ALG1: variants seen among roughly 807,000 people sequenced by gnomAD.
The protein encoded by ALG1 is chitobiosyldiphosphodolichol beta-mannosyltransferase.
In ALG1, 58 loss-of-function variants were observed where a neutral mutation model predicts 55.1. The observed-to-expected ratio is 1.05, with a 90% CI of 0.85 to 1.31. The LOEUF (loss-of-function observed/expected upper bound fraction) is 1.31, where lower values mean the gene tolerates loss of function less well. Among genes scored for constraint, ALG1 ranks in the 50% most tolerant of loss-of-function variants. The probability of loss-of-function intolerance (pLI) is 0.00; values close to 1 mark genes in which losing one functional copy is unlikely to be tolerated. For synonymous variants in ALG1, 309 were observed against 247.0 expected (o/e 1.25, Z -2.35); for missense variants, 761 against 598.6 (o/e 1.27, Z -2.83).
chr16:5,072,444 T>G (rs914694157), intron 1 of ALG1: 3 of 426,644 alleles, frequency 7.0e-6, no homozygotes, highest in Admixed American at 4.0e-5. Context: ...CAGACAGATG[T>G]TTTCATTTGT....
chr16:5,078,619 G>A lies in ALG1; in HGVS notation c.741-138G>A, dbSNP rs539401993. 170 of 1,476,402 alleles carry A rather than the reference G, an allele frequency of 1.2e-4. No individual in the cohort carries two copies. In the African/African-American group the frequency reaches 1.8e-3, roughly 16 times the overall value. 91.5% of individuals were successfully genotyped at this position (1,476,402 alleles called of 1,614,324 possible). On this transcript the variant is annotated intron_variant, in intron 6 of 12. Coordinates refer to ENST00000262374, the MANE Select transcript of ALG1 (RefSeq NM_019109.5). ...AAGCAAGCCCAGGCCTCAGATGGCAGGGGTGGCCTGGTGCTGCTGATGTGG... is the reference window on the plus strand; with the variant it reads ...AAGCAAGCCCAGGCCTCAGATGGCAAGGGTGGCCTGGTGCTGCTGATGTGG...
chr16:5,072,093 C>G (rs775269144), intron 1 of ALG1, 36 bp downstream of exon 1: 1 of 1,552,450 alleles, frequency 6.4e-7, no homozygotes, highest in East Asian at 2.4e-5. Context: ...ACGATGCTCT[C>G]TCAGCCGTTG....
In ALG1 at chr16:5,078,848, G is replaced by A. The variant is rs1364564952; in HGVS notation, c.832G>A (p.Ala278Thr). 8 of 1,611,888 alleles carry A rather than the reference G, an allele frequency of 5.0e-6. No individual in the cohort carries two copies. The East Asian group carries it at 1.8e-4, about 36-fold the overall frequency. Residue 278 changes from alanine (A) to threonine (T), a missense_variant, in exon 7 of 13, where the codon GCC (alanine) becomes ACC (threonine). Coordinates refer to ENST00000262374, the MANE Select transcript of ALG1 (RefSeq NM_019109.5). ...GGTGACGCGTCTCCGTGAGCGGCCA[G>A]CCCTGCTGGTCAGCAGCACGAGCTG... The part of the protein sequence containing the change: ...GLVTRLRERP[A>T]LLVSSTSWTE...
At chr16:5,079,386 G>T (rs558016962) in intron 8 of ALG1, among the ~76,000 whole-genome samples, 1 of 152,268 alleles carries the variant, frequency 6.6e-6, no homozygotes, top group East Asian at 1.9e-4. Context: ...TCTGGCTATT[G>T]TTTATTTAAA....
In ALG1 at chr16:5,071,945, C is replaced by T. The variant is rs1419210474; in HGVS notation, c.96C>T (p.Ala32=). 1 of 1,587,942 alleles carries T rather than the reference C, an allele frequency of 6.3e-7. No individual in the cohort carries two copies. The highest frequency in any genetic ancestry group is 8.6e-7 in the Non-Finnish European group (1 of 1,167,382). Reference sequence around the variant, plus strand: ...AGCGCTGGCGCCGGGGGCGGGCGGCCCGGCATGTAGTAGCGGTGGTGCTGG... The same window carrying T: ...AGCGCTGGCGCCGGGGGCGGGCGGCTCGGCATGTAGTAGCGGTGGTGCTGG... ...GWKRWRRGRA[A]RHVVAVVLGD... The change falls in exon 1 of 13, where the codon GCC becomes GCT. Residue 32 remains alanine, a synonymous_variant. Coordinates refer to ENST00000262374, the MANE Select transcript of ALG1 (RefSeq NM_019109.5).
In ALG1 at chr16:5,081,038, G is replaced by A. The variant is rs1302413825; in HGVS notation, c.1054G>A (p.Asp352Asn). Residue 352 changes from aspartate to asparagine, a missense_variant, in exon 10 of 13, where the codon GAC becomes AAC. Coordinates refer to ENST00000262374, the MANE Select transcript of ALG1 (RefSeq NM_019109.5). ...QVCTPWLEAE[D>N]YPLLLGSADL... is the part of the protein sequence containing the mutation. Reference sequence around the variant, plus strand: ...CTGCACCCCCTGGCTGGAGGCCGAGGACTACCCCCTGCTTCTAGGTGAGAG... The same window carrying A: ...CTGCACCCCCTGGCTGGAGGCCGAGAACTACCCCCTGCTTCTAGGTGAGAG... 6 of 1,564,048 alleles carry A rather than the reference G, an allele frequency of 3.8e-6. No individual in the cohort carries two copies. Among genetic ancestry groups the A allele is most frequent in the Non-Finnish European group, 5.2e-6 (6 of 1,160,490 alleles).
At chr16:5,083,972 C>T (rs561512258) in intron 12 of ALG1, among the ~76,000 whole-genome samples, 5 of 152,274 alleles carry the variant, frequency 3.3e-5, no homozygotes, top group African/African-American at 1.2e-4. Flanking sequence ...CCCACCTGCC[C>T]TCTGGATTTA....
In ALG1 at chr16:5,073,146, C is replaced by G; in HGVS notation, c.287-7C>G. 1.2e-6 allele frequency: 2 copies of G among 1,614,086 alleles called. No homozygotes were observed. The highest frequency in any genetic ancestry group is 1.3e-5 in the African/African-American group (1 of 75,048). On this transcript the variant is annotated splice_region_variant and splice_polypyrimidine_tract_variant and intron_variant, in intron 2 of 12. Coordinates refer to ENST00000262374, the MANE Select transcript of ALG1 (RefSeq NM_019109.5). ...TTTGGTAGTCACAGGTGTTTTCTGA[C>G]TTGCAGTTGGGCCCCGAGTTTTCCA...
In ALG1 at chr16:5,079,141, G is replaced by A. The variant is rs528875225; in HGVS notation, c.901+39G>A. 6.4e-5 allele frequency: 102 copies of A among 1,590,400 alleles called. 1 individual carries two copies. The highest frequency in any genetic ancestry group is 1.0e-4 in the Admixed American group (6 of 59,212). The stretch of plus-strand genomic sequence containing the variant: ...TGCGGTGAGGAGCTCTGGGCTTGTC[G>A]GGGGCCACTGAGCTGTAAGCTGCTT... On this transcript the variant is annotated intron_variant, in intron 8 of 12. Coordinates refer to ENST00000262374, the MANE Select transcript of ALG1 (RefSeq NM_019109.5).
chr16:5,078,621 G>C (rs1277026317), intron 6 of ALG1, 136 bp from the exon 7 acceptor site: 1 of 1,484,592 alleles, frequency 6.7e-7, no homozygotes, highest in Non-Finnish European at 9.4e-7. Context: ...AGATGGCAGG[G>C]GTGGCCTGGT....
rs1957108595 is a variant in ALG1, at chr16:5,085,092, C to G, written c.*211C>G. The G allele has an allele frequency of 3.6e-6, 3 of 843,280 alleles. No homozygotes were observed. Among genetic ancestry groups the G allele is most frequent in the Admixed American group, 2.6e-5 (1 of 39,034 alleles). 52.2% of individuals were successfully genotyped at this position (843,280 alleles called of 1,614,324 possible). ...TTCTCTGGAGGCTTGGAAACGCTTCCTCTCTTCTTCTGTTCTTCACGCCCC... is the reference window on the plus strand; with the variant it reads ...TTCTCTGGAGGCTTGGAAACGCTTCGTCTCTTCTTCTGTTCTTCACGCCCC... On this transcript the variant is annotated 3_prime_UTR_variant, in exon 13 of 13. Coordinates refer to ENST00000262374, the MANE Select transcript of ALG1 (RefSeq NM_019109.5).
intron 1 of ALG1, 84 bp downstream of exon 1, chr16:5,072,141 A>T: frequency 6.5e-7 from 1 of 1,547,410 alleles, no homozygotes; most frequent in Non-Finnish European, 8.7e-7. Flanking sequence ...TCGAGGCGGA[A>T]GTGCTCCTTT....
At chr16:5,082,171 C>T (rs974878713) in intron 10 of ALG1, among the ~76,000 whole-genome samples, 3 of 152,128 alleles carry the variant, frequency 2.0e-5, no homozygotes, top group African/African-American at 7.2e-5. Context: ...TCTTGAACTC[C>T]TGACCTCAGG....
intron 11 of ALG1, among the ~76,000 whole-genome samples, 182 bp from the exon 12 acceptor site, chr16:5,083,500 C>T (rs889895567): frequency 8.6e-5 from 13 of 152,034 alleles, no homozygotes; most frequent in Non-Finnish European, 1.6e-4. Flanking sequence ...TTGATGTGCA[C>T]CCCCCCAGGC....
intron 12 of ALG1, among the ~76,000 whole-genome samples, chr16:5,084,073 G>A (rs2142729604): frequency 1.3e-5 from 2 of 152,328 alleles, no homozygotes; most frequent in African/African-American, 2.4e-5. Flanking sequence ...GGCGGGCAAA[G>A]GGAGCTTCTG....
chr16:5,073,548 C>T (rs886181207), intron 3 of ALG1: 3 of 461,840 alleles, frequency 6.5e-6, no homozygotes, highest in Non-Finnish European at 7.9e-6. Flanking sequence ...ATACAAGAAC[C>T]TGTTTCTTAA....
At chr16:5,078,310 A>G (rs1157351528) in intron 6 of ALG1, 4 of 633,552 alleles carry the variant, frequency 6.3e-6, no homozygotes, top group Admixed American at 4.2e-5. Flanking sequence ...ATGTTTGTGG[A>G]CCCCTGCGCT....
rs1195661104 is a variant in ALG1 at position 5,079,912 on chromosome 16, C to CA, written c.961+106dup. 23 of 1,410,308 alleles carry CA rather than the reference C, an allele frequency of 1.6e-5. No homozygotes were observed. The East Asian group carries it at 5.2e-4, about 32-fold the overall frequency. The allele number at this position is 1,410,308 out of a possible 1,614,324, so 87.4% of individuals were successfully genotyped here. On this transcript the variant is annotated intron_variant, in intron 9 of 12. Transcript: ENST00000262374. ...CCCATGATCTTGTCTCCTTAATCCT[C>CA]ACTGCAGCTCTGCCATAGGGTCTTA... is the stretch of plus-strand genomic sequence containing the variant.
Position 5,086,969 on chromosome 16 carries a change from C to T in ALG1, c.*2088C>T, listed in dbSNP as rs1436446274. The T allele has an allele frequency of 2.0e-5, 3 of 152,246 alleles. No homozygotes were observed. The highest frequency in any genetic ancestry group is 4.8e-5 in the African/African-American group (2 of 41,460). 9.4% of individuals were successfully genotyped at this position (152,246 alleles called of 1,614,324 possible). ...GTGTTGGGATTACAGGCGTGAGACA[C>T]TGTGACCCGGGACGATTTTCAATCA... On this transcript the variant is annotated 3_prime_UTR_variant, in exon 13 of 13. Coordinates refer to ENST00000262374, the MANE Select transcript of ALG1 (RefSeq NM_019109.5).
Sources: allele counts gnomAD v4.1 joint callset (sites outside exome capture counted in the v4.1 genomes callset), GRCh38; gene constraint gnomAD v4.1.1; transcripts MANE v1.5; gene names NCBI Gene and HGNC (gene_info 2026-07-23, HGNC 2026-07-21).